ZNF385D: variants seen among roughly 807,000 people sequenced by gnomAD.
ZNF385D encodes the protein zinc finger protein 659.
Under a neutral mutation model 35.8 loss-of-function variants are expected in ZNF385D, and 15 were observed. That is an observed-to-expected ratio of 0.42 (90% CI 0.28 to 0.64). The LOEUF (loss-of-function observed/expected upper bound fraction) is 0.64, where lower values mean the gene tolerates loss of function less well. Among genes scored for constraint, ZNF385D ranks in the 30% least tolerant of loss-of-function variants. ZNF385D has a pLI of 0.23. For missense variants in ZNF385D, 474 were observed against 494.6 expected (o/e 0.96, Z 0.39); for synonymous variants, 212 against 186.8 (o/e 1.13, Z -1.10).
At chr3:21,520,389 T>G (rs1279539568) in intron 3 of ZNF385D, among the ~76,000 whole-genome samples, 5 of 152,246 alleles carry the variant, frequency 3.3e-5, no homozygotes, top group Admixed American at 1.3e-4. Flanking sequence ...AAATTCATGT[T>G]GAATTAATTT....
intron 4 of ZNF385D, among the ~76,000 whole-genome samples, chr3:21,445,071 A>G (rs1408077160): frequency 6.6e-6 from 1 of 152,214 alleles, no homozygotes; most frequent in African/African-American, 2.4e-5. Context: ...CCCTGAGGAG[A>G]TAAGTAGGAT....
intron 3 of ZNF385D, among the ~76,000 whole-genome samples, chr3:22,105,153 G>C (rs1227469331): frequency 6.6e-6 from 1 of 152,000 alleles, no homozygotes; most frequent in Non-Finnish European, 1.5e-5. Context: ...ATGTGGCAAG[G>C]CTATGGGAAG....
rs79652428 is a variant in ZNF385D, at chr3:21,540,927, A to C, written c.276+23647T>G. 4.7e-3 allele frequency among the ~76,000 whole-genome samples: 713 copies of C among 152,298 alleles called. 3 individuals are homozygous for C. The highest frequency in any genetic ancestry group is 8.6e-3 in the Non-Finnish European group (588 of 68,030). On this transcript the variant is annotated intron_variant, in intron 3 of 7. Transcript: ENST00000281523. ...TGCAATCTTTACCACTATCAGATTC[A>C]ATTTATATCAAAACACAGATTTGGA...
exon 2 of ZNF385D, chr3:22,372,488 T>C: frequency 1.0e-6 from 1 of 985,404 alleles, no homozygotes; most frequent in African/African-American, 1.7e-5. Context: ...CAGGAGCTTT[T>C]CTCTCCTTCC....
At chr3:22,162,217 T>C (rs922582813) in intron 3 of ZNF385D, among the ~76,000 whole-genome samples, 1 of 152,288 alleles carries the variant, frequency 6.6e-6, no homozygotes, top group African/African-American at 2.4e-5. Context: ...ACTGAGACTT[T>C]GAAGGAAACC....
intron 2 of ZNF385D, among the ~76,000 whole-genome samples, chr3:21,580,588 T>G (rs1343285446): frequency 6.6e-6 from 1 of 152,152 alleles, no homozygotes; most frequent in Non-Finnish European, 1.5e-5. Flanking sequence ...CAGTCACCAT[T>G]TAATGCCTTT....
chr3:22,147,562 G>A (rs1464104031), intron 3 of ZNF385D, among the ~76,000 whole-genome samples: 7 of 152,100 alleles, frequency 4.6e-5, no homozygotes, highest in Admixed American at 4.6e-4. Context: ...ATTTGGAAAT[G>A]AAATATTAAT....
At chr3:22,105,320 G>C (rs2125632914) in intron 3 of ZNF385D, among the ~76,000 whole-genome samples, 1 of 147,948 alleles carries the variant, frequency 6.8e-6, no homozygotes, top group East Asian at 2.0e-4. Context: ...TTTTTTTTCA[G>C]AGATCAGTTG....
At chr3:22,342,489 A>T (rs1695471815) in intron 2 of ZNF385D, among the ~76,000 whole-genome samples, 1 of 151,942 alleles carries the variant, frequency 6.6e-6, no homozygotes. Context: ...CTCCTTTTTC[A>T]TCTACCTGAA....
intron 1 of ZNF385D, among the ~76,000 whole-genome samples, chr3:21,734,478 AAGAC>A (rs2069154759): frequency 6.6e-6 from 1 of 152,160 alleles, no homozygotes; most frequent in Non-Finnish European, 1.5e-5. Flanking sequence ...AGATATTTCA[AAGAC>A]AGAAGAGACT....
Position 22,137,117 on chromosome 3 carries a change from G to C in ZNF385D, c.325+31700C>G, listed in dbSNP as rs181033811. Among the ~76,000 whole-genome samples, 833 of 152,216 alleles carry C rather than the reference G, an allele frequency of 5.5e-3. 7 individuals carry two copies. The highest frequency in any genetic ancestry group is 0.019 in the African/African-American group (804 of 41,544). On this transcript the variant is annotated intron_variant, in intron 3 of 5. Transcript: ENST00000494108. The stretch of plus-strand genomic sequence containing the variant: ...GTACTATTACCTAAACTAATATTTG[G>C]GGAGCTGCGGTATATAAGATCTTTC...
intron 2 of ZNF385D, among the ~76,000 whole-genome samples, chr3:22,183,947 AG>A (rs1695458501): frequency 6.6e-6 from 1 of 151,882 alleles, no homozygotes; most frequent in African/African-American, 2.4e-5. Context: ...TTTTTTATTT[AG>A]GTTAAGATTT....
At chr3:21,941,490 C>CTTTTT (rs531693623) in intron 3 of ZNF385D, among the ~76,000 whole-genome samples, 24 of 63,620 alleles carry the variant, frequency 3.8e-4, no homozygotes, top group Non-Finnish European at 4.9e-4. Flanking sequence ...TTCCATTACT[C>CTTTTT]TTTTTTTTTT....
At chr3:22,249,295 TC>T (rs1424340967) in intron 2 of ZNF385D, among the ~76,000 whole-genome samples, 1 of 152,148 alleles carries the variant, frequency 6.6e-6, no homozygotes, top group East Asian at 1.9e-4. Context: ...TTAGCAACTG[TC>T]TTAATAAATG....
rs1464300121 is a variant in ZNF385D at position 21,761,887 on chromosome 3, T to C, written c.326-96859A>G. 2.8e-4 allele frequency among the ~76,000 whole-genome samples: 38 copies of C among 136,598 alleles called. 1 individual carries two copies. The highest frequency in any genetic ancestry group is 2.2e-3 in the Admixed American group (30 of 13,628). 89.6% of individuals were successfully genotyped at this position (136,598 alleles called of 152,430 possible). ...TTTCTTCCTTTTTTTTTTTTTTTTT[T>C]TTTTTTTTTTGAGACGGAGTCTCGC... On this transcript the variant is annotated intron_variant, in intron 3 of 5. Transcript: ENST00000494108.
chr3:21,584,916 A>G (rs970167485), intron 2 of ZNF385D, among the ~76,000 whole-genome samples: 22 of 152,138 alleles, frequency 1.4e-4, no homozygotes, highest in East Asian at 1.9e-4. Context: ...GCTTTCATCT[A>G]TTGGCAATCC....
At chr3:22,088,417 G>C (rs1440052356) in intron 3 of ZNF385D, among the ~76,000 whole-genome samples, 1 of 152,158 alleles carries the variant, frequency 6.6e-6, no homozygotes, top group East Asian at 1.9e-4. Flanking sequence ...TTGTATCCTA[G>C]GACACTTTGA....
At chr3:21,542,625 G>A (rs1462454363) in intron 3 of ZNF385D, among the ~76,000 whole-genome samples, 4 of 152,054 alleles carry the variant, frequency 2.6e-5, no homozygotes, top group African/African-American at 9.7e-5. Context: ...TGGGATTACA[G>A]GTGTGTGCCA....
At chr3:22,037,521 T>A (rs1440832099) in intron 3 of ZNF385D, among the ~76,000 whole-genome samples, 1 of 152,172 alleles carries the variant, frequency 6.6e-6, no homozygotes. Context: ...TTTTGAGAAG[T>A]GTCTGTTCAT....
Sources: gnomAD v4.1 joint callset for allele counts (sites outside exome capture counted in the v4.1 genomes callset) on GRCh38, gnomAD v4.1.1 for gene constraint, MANE v1.5 for transcripts, NCBI Gene and HGNC (gene_info 2026-07-23, HGNC 2026-07-21) for gene names.